Variants in CRAMP1 observed in about 807,000 individuals in gnomAD.
CRAMP1 encodes cramped chromatin regulator 1, also known as protein cramped-like.
A neutral mutation model predicts 115.4 loss-of-function variants in CRAMP1; 50 were observed. The observed-to-expected ratio is 0.43, with a 90% confidence interval of 0.35 to 0.55. The LOEUF (loss-of-function observed/expected upper bound fraction) is 0.55, where lower values mean the gene tolerates loss of function less well. CRAMP1 is among the 20% of genes least tolerant of loss of function. CRAMP1 has a pLI of 0.01. For synonymous variants in CRAMP1, 866 were observed against 745.4 expected (o/e 1.16, Z -2.64); for missense variants, 1,679 against 1,721.7 (o/e 0.98, Z 0.44).
rs150793461 is a variant in CRAMP1 at position 1,652,603 on chromosome 16, G to A, written c.913+22G>A. The A allele has an allele frequency of 6.2e-4, 954 of 1,546,728 alleles. 12 individuals carry two copies. In the East Asian group the frequency reaches 0.02, roughly 33 times the overall value. On this transcript the variant is annotated intron_variant, in intron 7 of 20. Coordinates refer to ENST00000397412, the MANE Select transcript of CRAMP1 (RefSeq NM_020825.4). ...GATGGTAAGTGAATGGGGCGCTCCC[G>A]GGACCAGAGGCGGTGCCCATGGTGT...
At chr16:1,652,085 G>T (rs964461561) in intron 6 of CRAMP1, among the ~76,000 whole-genome samples, 5 of 152,340 alleles carry the variant, frequency 3.3e-5, no homozygotes, top group Admixed American at 1.3e-4. Context: ...GTCATGGGGA[G>T]GAGGACTGAG....
chr16:1,673,158 CTA>C (rs1016047304), intron 20 of CRAMP1, among the ~76,000 whole-genome samples: 2 of 150,618 alleles, frequency 1.3e-5, no homozygotes, highest in African/African-American at 4.9e-5. Flanking sequence ...GTCCTCATGT[CTA>C]TGACGGGAAC....
rs1480425518 is a variant in CRAMP1 at position 1,633,818 on chromosome 16, T to A, written c.694+1453T>A. 2.0e-5 allele frequency among the ~76,000 whole-genome samples: 3 copies of A among 152,140 alleles called. No individual in the cohort carries two copies. The East Asian group carries it at 5.8e-4, about 29-fold the overall frequency. On this transcript the variant is annotated intron_variant, in intron 4 of 20. Coordinates refer to ENST00000397412, the MANE Select transcript of CRAMP1 (RefSeq NM_020825.4). ...TGCGCGCGGTGGCTCATGCCTGTAA[T>A]CAGCACTTTGGGAGGCAGAGGCGGG...
Position 1,669,161 on chromosome 16 carries a change from G to GAGC in CRAMP1, c.3495_3496insAGC (p.Leu1165_Phe1166insSer). On this transcript the variant is annotated inframe_insertion, in exon 19 of 21. Transcript: ENST00000397412. The surrounding 1 kb of genome is among the most constrained non-coding windows in gnomAD (Gnocchi z 4.6). ...CCACCGACTCCTCGCTCAGCAGCCT[G>GAGC]TTTGGTGAGTGTATGGGGAGGGCTC... 1 of 1,598,532 alleles carries GAGC rather than the reference G, an allele frequency of 6.3e-7. No individual in the cohort carries two copies. Among genetic ancestry groups the GAGC allele is most frequent in the Non-Finnish European group, 8.5e-7 (1 of 1,171,664 alleles).
intron 6 of CRAMP1, among the ~76,000 whole-genome samples, chr16:1,646,881 G>A (rs1238413128): frequency 6.6e-6 from 1 of 152,238 alleles, no homozygotes; most frequent in Non-Finnish European, 1.5e-5. Context: ...TGGGTGTCAA[G>A]CTGTGCCATC....
In CRAMP1 at chr16:1,675,177, C is replaced by G. The variant is rs2036956996; in HGVS notation, c.*1132C>G. The G allele has an allele frequency of 6.6e-6, 1 of 152,296 alleles. No individual in the cohort carries two copies. 9.4% of individuals were successfully genotyped at this position (152,296 alleles called of 1,614,324 possible). On this transcript the variant is annotated 3_prime_UTR_variant, in exon 21 of 21. Transcript: ENST00000397412. ...TTCGTGGTGGTCTCCCTCCTTGCGC[C>G]CTCTTGGGTGGCCAGCGTTCCTACT...
In CRAMP1 at chr16:1,656,697, C is replaced by A. The variant is rs777559860; in HGVS notation, c.1940C>A (p.Ala647Glu). 1 of 1,558,928 alleles carries A rather than the reference C, an allele frequency of 6.4e-7. No individual in the cohort carries two copies. Among genetic ancestry groups the A allele is most frequent in the South Asian group, 1.2e-5 (1 of 84,638 alleles). ...AEELQEKGSP[A>E]GPPPSQGQPA... ...GAGCTCCAGGAGAAGGGGAGCCCCG[C>A]GGGGCCTCCGCCGTCTCAGGGACAG... is the stretch of plus-strand genomic sequence containing the variant. Residue 647 changes from alanine (A) to glutamate (E), a missense_variant, in exon 10 of 21, where the codon GCG becomes GAG. Transcript: ENST00000397412. This position sits in a 1 kb window ranked among gnomAD's most constrained non-coding sequence, Gnocchi z 5.6.
At position 1,614,696 on chromosome 16, in the gene CRAMP1, C is replaced by A; in HGVS notation, c.57C>A (p.Gly19=). 1 of 1,333,906 alleles carries A rather than the reference C, an allele frequency of 7.5e-7. No homozygotes were observed. Among genetic ancestry groups the A allele is most frequent in the South Asian group, 2.1e-5 (1 of 46,560 alleles). The allele number at this position is 1,333,906 out of a possible 1,614,324, so 82.6% of individuals were successfully genotyped here. A position where few individuals can be genotyped will look rare whatever the true frequency, so the allele number is the denominator to read the frequency against. The change falls in exon 2 of 21, where the codon GGC becomes GGA. Residue 19 remains glycine (G), a synonymous_variant. Transcript: ENST00000397412. This position sits in a 1 kb window ranked among gnomAD's most constrained non-coding sequence, Gnocchi z 4.4. ...GSGEDGLKKL[G]KRAADEESLE... ...GGGAGGACGGGCTCAAGAAGCTGGG[C>A]AAGCGGGCGGCCGATGAGGAGTCCC...
chr16:1,667,011 C>G (rs548592100), intron 16 of CRAMP1, among the ~76,000 whole-genome samples: 73 of 152,340 alleles, frequency 4.8e-4, no homozygotes, highest in African/African-American at 1.7e-3. Flanking sequence ...CCTCCCACGG[C>G]CACTTCAGAG....
intron 2 of CRAMP1, 110 bp downstream of exon 2, chr16:1,615,095 G>T (rs2036406567): frequency 1.7e-6 from 1 of 589,000 alleles, no homozygotes; most frequent in Non-Finnish European, 2.5e-6. Context: ...CCATCCCGCG[G>T]CCTACACTGA....
At chr16:1,648,532 G>A (rs2142192147) in intron 6 of CRAMP1, among the ~76,000 whole-genome samples, 1 of 151,532 alleles carries the variant, frequency 6.6e-6, no homozygotes, top group Admixed American at 6.6e-5. Context: ...TTGAGCCCAG[G>A]AGGTGGAGCT....
intron 13 of CRAMP1, among the ~76,000 whole-genome samples, chr16:1,663,618 C>T (rs188997459): frequency 5.4e-4 from 82 of 152,130 alleles, no homozygotes; most frequent in African/African-American, 2.0e-3. Flanking sequence ...AATGTTTGCC[C>T]ATTTGAACTT....
intron 6 of CRAMP1, 134 bp downstream of exon 6, chr16:1,641,321 G>T: frequency 1.4e-6 from 1 of 691,650 alleles, no homozygotes; most frequent in Non-Finnish European, 2.6e-6. Flanking sequence ...TACGTGTTCA[G>T]TCCCAACAAA....
chr16:1,667,367 G>A lies in CRAMP1; in HGVS notation c.3069G>A (p.Arg1023=). 6.2e-7 allele frequency: 1 copy of A among 1,613,168 alleles called. No homozygotes were observed. Among genetic ancestry groups the A allele is most frequent in the African/African-American group, 1.3e-5 (1 of 75,018 alleles). Residue 1023 remains arginine (R), a synonymous_variant, in exon 17 of 21, where the codon AGG becomes AGA. Transcript: ENST00000397412. ...GSDPFVSIPS[R]PEQEPVADSF... is the part of the protein sequence containing the mutation. The stretch of plus-strand genomic sequence containing the variant: ...ACCCATTTGTCAGCATCCCTTCGAG[G>A]CCTGAGCAGGAGCCAGTGGCAGACA...
At chr16:1,633,169 C>T (rs1596485488) in intron 4 of CRAMP1, among the ~76,000 whole-genome samples, 1 of 152,216 alleles carries the variant, frequency 6.6e-6, no homozygotes, top group Admixed American at 6.5e-5. Flanking sequence ...GCCTGTGCCT[C>T]GTGGTGACCT....
intron 11 of CRAMP1, among the ~76,000 whole-genome samples, chr16:1,661,625 T>G (rs2036830506): frequency 6.8e-6 from 1 of 146,688 alleles, no homozygotes; most frequent in Non-Finnish European, 1.5e-5. Flanking sequence ...AGATGGAGTC[T>G]CGCTCTGTCG....
At chr16:1,629,903 C>T (rs1253408617) in intron 3 of CRAMP1, among the ~76,000 whole-genome samples, 1 of 151,882 alleles carries the variant, frequency 6.6e-6, no homozygotes, top group African/African-American at 2.4e-5. Flanking sequence ...CTGTCTTCAC[C>T]TCCCTCAGCC....
chr16:1,641,328 C>G (rs975824923), intron 6 of CRAMP1, 141 bp downstream of exon 6: 2 of 672,390 alleles, frequency 3.0e-6, no homozygotes, highest in Non-Finnish European at 5.3e-6. Context: ...TCAGTCCCAA[C>G]AAAAGGTGCT....
intron 4 of CRAMP1, among the ~76,000 whole-genome samples, chr16:1,637,291 C>T (rs566356828): frequency 6.0e-5 from 9 of 150,814 alleles, no homozygotes; most frequent in Non-Finnish European, 1.2e-4. Flanking sequence ...GAGACCCTGT[C>T]TCCAAGAAAA....
Sources: allele counts gnomAD v4.1 joint callset (sites outside exome capture counted in the v4.1 genomes callset), GRCh38; gene constraint gnomAD v4.1.1; non-coding constraint Gnocchi (gnomAD v3.1); transcripts MANE v1.5; gene names NCBI Gene and HGNC (gene_info 2026-07-23, HGNC 2026-07-21).